Variants in LRRC4C observed in about 807,000 individuals in gnomAD.
LRRC4C encodes the protein leucine rich repeat containing 4C.
Under a neutral mutation model 33.6 loss-of-function variants are expected in LRRC4C, and 5 were observed. That is an observed-to-expected ratio of 0.15 (90% CI 0.08 to 0.31). The LOEUF (loss-of-function observed/expected upper bound fraction) is 0.31. Among genes scored for constraint, LRRC4C ranks in the 10% least tolerant of loss-of-function variants. LRRC4C has a pLI of 1.00. For missense variants in LRRC4C, 560 were observed against 796.7 expected, an observed-to-expected ratio of 0.70 and a Z score of 3.58; for synonymous variants, 329 against 302.0, an observed-to-expected ratio of 1.09 and a Z score of -0.93.
intron 3 of LRRC4C, among the ~76,000 whole-genome samples, chr11:40,458,871 T>C (rs1276296753): frequency 6.6e-6 from 1 of 152,168 alleles, no homozygotes; most frequent in Non-Finnish European, 1.5e-5. Flanking sequence ...TTTTTATTTG[T>C]ATATCCTACT....
intron 1 of LRRC4C, among the ~76,000 whole-genome samples, chr11:41,327,368 T>C (rs1951154303): frequency 6.6e-6 from 1 of 152,202 alleles, no homozygotes; most frequent in Non-Finnish European, 1.5e-5. Flanking sequence ...AACACAACTT[T>C]CTACCTTCCT....
intron 1 of LRRC4C, among the ~76,000 whole-genome samples, chr11:41,413,816 C>T (rs1954579584): frequency 6.6e-6 from 1 of 152,190 alleles, no homozygotes; most frequent in South Asian, 2.1e-4. Flanking sequence ...AGATGTGTAA[C>T]TCAAACAATG....
At chr11:40,686,176 A>T (rs1944945186) in intron 2 of LRRC4C, among the ~76,000 whole-genome samples, 1 of 152,082 alleles carries the variant, frequency 6.6e-6, no homozygotes, top group Non-Finnish European at 1.5e-5. Flanking sequence ...GACCTTTCTA[A>T]GTCTCAGTTT....
intron 2 of LRRC4C, among the ~76,000 whole-genome samples, chr11:40,700,629 T>G (rs1945819274): frequency 6.6e-6 from 1 of 152,096 alleles, no homozygotes; most frequent in South Asian, 2.1e-4. Flanking sequence ...AAGGACAAAG[T>G]TAGCTAAATG....
chr11:40,326,377 G>A (rs1338236937), intron 3 of LRRC4C, among the ~76,000 whole-genome samples: 1 of 151,882 alleles, frequency 6.6e-6, no homozygotes, highest in African/African-American at 2.4e-5. Flanking sequence ...GCCTGGACAT[G>A]ATGGTGAAAC....
chr11:40,400,262 G>A (rs1949708843), intron 3 of LRRC4C, among the ~76,000 whole-genome samples: 1 of 152,122 alleles, frequency 6.6e-6, no homozygotes, highest in African/African-American at 2.4e-5. Context: ...ATTAGTCAGT[G>A]TGCAAACTGG....
At chr11:40,606,564 C>A (rs1006378772) in intron 3 of LRRC4C, among the ~76,000 whole-genome samples, 1 of 150,664 alleles carries the variant, frequency 6.6e-6, no homozygotes, top group African/African-American at 2.4e-5. Context: ...CAGAAAATGA[C>A]CCTAAAAAAA....
chr11:40,791,118 A>G (rs905185170), intron 2 of LRRC4C, among the ~76,000 whole-genome samples: 1 of 151,978 alleles, frequency 6.6e-6, no homozygotes, highest in African/African-American at 2.4e-5. Flanking sequence ...CTCACTCCCC[A>G]CCTCTTCCAG....
chr11:40,734,222 A>G (rs1465761487), intron 2 of LRRC4C, among the ~76,000 whole-genome samples: 1 of 152,072 alleles, frequency 6.6e-6, no homozygotes, highest in African/African-American at 2.4e-5. Context: ...TAGAGTCTGA[A>G]GGGTTGGGGA....
intron 1 of LRRC4C, among the ~76,000 whole-genome samples, chr11:41,448,069 T>C (rs1315712676): frequency 2.1e-5 from 3 of 144,138 alleles, no homozygotes; most frequent in Non-Finnish European, 4.5e-5. Context: ...TGTAATTTAG[T>C]AAGGTTCTAC....
chr11:40,630,743 T>C (rs1390664114), intron 3 of LRRC4C, among the ~76,000 whole-genome samples: 2 of 152,140 alleles, frequency 1.3e-5, no homozygotes, highest in African/African-American at 2.4e-5. Context: ...TTCAGTACTT[T>C]GGTTGCTTGC....
chr11:40,361,252 C>G (rs1035166450), intron 3 of LRRC4C, among the ~76,000 whole-genome samples: 1 of 152,142 alleles, frequency 6.6e-6, no homozygotes, highest in Non-Finnish European at 1.5e-5. Context: ...CCAGGGCAAT[C>G]AGGCAAGAGA....
rs574151014 is a variant in LRRC4C, at chr11:40,235,218, A to C, written c.-96+6301T>G. 2.0e-5 allele frequency among the ~76,000 whole-genome samples: 3 copies of C among 152,370 alleles called. No homozygotes were observed. In the East Asian group the frequency reaches 5.8e-4, roughly 29 times the overall value. ...CTTTGAAAGATCAGACAGATATAAT[A>C]GTCCTTGTCTCACACAATTATGCAG... On this transcript the variant is annotated intron_variant, in intron 5 of 6. Coordinates refer to ENST00000528697, the MANE Select transcript of LRRC4C (RefSeq NM_001258419.2).
At chr11:41,296,245 G>T (rs151220345) in intron 1 of LRRC4C, among the ~76,000 whole-genome samples, 80 of 152,242 alleles carry the variant, frequency 5.3e-4, no homozygotes, top group African/African-American at 1.9e-3. Flanking sequence ...AAGAAATCCT[G>T]GCGGTTGTTC....
At chr11:41,099,033 A>T (rs1161605851) in intron 1 of LRRC4C, among the ~76,000 whole-genome samples, 1 of 152,160 alleles carries the variant, frequency 6.6e-6, no homozygotes, top group African/African-American at 2.4e-5. Flanking sequence ...AATAGAAACA[A>T]CAATCAGAGA....
rs574798683 is a variant in LRRC4C, at chr11:40,467,520, G to A, written c.-269-147799C>T. Among the ~76,000 whole-genome samples, 4 of 152,140 alleles carry A rather than the reference G, an allele frequency of 2.6e-5. No individual in the cohort carries two copies. In the South Asian group the frequency reaches 8.3e-4, roughly 32 times the overall value. On this transcript the variant is annotated intron_variant, in intron 3 of 6. Transcript: ENST00000528697. ...GGGAAGAAAAAATTTTTAGAGCGCT[G>A]GAAACCTAGGCAAAGTAGTCTAGAC...
intron 3 of LRRC4C, among the ~76,000 whole-genome samples, chr11:40,344,596 T>C (rs909033423): frequency 6.6e-6 from 1 of 151,902 alleles, no homozygotes; most frequent in Non-Finnish European, 1.5e-5. Context: ...CCAGAACAAG[T>C]CAAGGATGCC....
intron 1 of LRRC4C, among the ~76,000 whole-genome samples, chr11:41,438,038 C>CAAATAAAT (rs569593314): frequency 0.09 from 5,928 of 65,540 alleles, 160 homozygotes; most frequent in Middle Eastern, 0.18. Context: ...AACTCCATCT[C>CAAATAAAT]AAATAAATAA....
At chr11:40,706,640 G>T (rs1056278342) in intron 2 of LRRC4C, among the ~76,000 whole-genome samples, 3 of 152,162 alleles carry the variant, frequency 2.0e-5, no homozygotes, top group African/African-American at 7.2e-5. Flanking sequence ...AAGTCAGGTA[G>T]CCTGATGCCT....
Sources: allele counts gnomAD v4.1 joint callset (sites outside exome capture counted in the v4.1 genomes callset), GRCh38; gene constraint gnomAD v4.1.1; transcripts MANE v1.5; gene names NCBI Gene and HGNC (gene_info 2026-07-23, HGNC 2026-07-21).